The following KCTD5 variants were observed in gnomAD, a reference collection of about 807,000 sequenced individuals.
KCTD5 encodes BTB/POZ domain-containing protein KCTD5.
In KCTD5, 12 loss-of-function variants were observed where a neutral mutation model predicts 27.9. The ratio of observed to expected loss-of-function variants is 0.43; its 90% CI spans 0.28 to 0.70. KCTD5 has a LOEUF of 0.70. Ranked by LOEUF, KCTD5 falls within the 30% of genes least tolerant of loss-of-function variation. The pLI, the probability that KCTD5 is intolerant of heterozygous loss-of-function variation, is 0.19. For missense variants in KCTD5, 226 were observed against 274.8 expected (o/e 0.82, Z 1.26); for synonymous variants, 147 against 121.4 (o/e 1.21, Z -1.39).
At chr16:2,693,081 G>T (rs1223414265) in intron 1 of KCTD5, among the ~76,000 whole-genome samples, 1 of 152,238 alleles carries the variant, frequency 6.6e-6, no homozygotes, top group Non-Finnish European at 1.5e-5. Context: ...TCTTCAGTGG[G>T]GTGGGTGTGA....
chr16:2,707,598 G>A lies in KCTD5; in HGVS notation c.*271G>A. 3 of 610,796 alleles carry A rather than the reference G, an allele frequency of 4.9e-6. No individual in the cohort carries two copies. Among genetic ancestry groups the A allele is most frequent in the Non-Finnish European group, 8.7e-6 (3 of 343,454 alleles). 37.8% of individuals were successfully genotyped at this position (610,796 alleles called of 1,614,324 possible). On this transcript the variant is annotated 3_prime_UTR_variant, in exon 6 of 6. Transcript: ENST00000301738. ...CTCTGTTTTTTCCAAGTGCCACGTG[G>A]GACTGAGGCAGACACTCCCAGTCAG...
chr16:2,699,235 C>T, intron 3 of KCTD5: 2 of 455,994 alleles, frequency 4.4e-6, no homozygotes, highest in Non-Finnish European at 8.8e-6. Flanking sequence ...CAGCTCCATG[C>T]AGGCGGGCGG....
At chr16:2,691,604 A>G (rs1469153232) in intron 1 of KCTD5, among the ~76,000 whole-genome samples, 2 of 152,134 alleles carry the variant, frequency 1.3e-5, no homozygotes, top group Non-Finnish European at 2.9e-5. Context: ...GAATTGAACC[A>G]CGTGGGAGGA....
chr16:2,703,941 C>T (rs2067623573), intron 5 of KCTD5, among the ~76,000 whole-genome samples: 1 of 152,208 alleles, frequency 6.6e-6, no homozygotes, highest in African/African-American at 2.4e-5. Context: ...CCTCTTGGAG[C>T]AATCGTAGGG....
intron 1 of KCTD5, among the ~76,000 whole-genome samples, chr16:2,687,321 G>A (rs1222537237): frequency 6.6e-6 from 1 of 152,232 alleles, no homozygotes; most frequent in Non-Finnish European, 1.5e-5. Context: ...TTGTTTCGGG[G>A]CACCTGACAT....
In KCTD5 at chr16:2,699,808, A is replaced by T; in HGVS notation, c.454-13A>T. The T allele has an allele frequency of 6.2e-7, 1 of 1,612,338 alleles. No homozygotes were observed. The highest frequency in any genetic ancestry group is 8.5e-7 in the Non-Finnish European group (1 of 1,179,178). On this transcript the variant is annotated splice_polypyrimidine_tract_variant and intron_variant, in intron 3 of 5. Coordinates refer to ENST00000301738, the MANE Select transcript of KCTD5 (RefSeq NM_018992.4). ...GGGTGGCCCGCCCTTACCTGTGCCC[A>T]TTGTCCTTGCAGGTGCCTGTGAAGC...
intron 1 of KCTD5, among the ~76,000 whole-genome samples, chr16:2,689,858 T>C (rs939766722): frequency 1.6e-4 from 24 of 152,190 alleles, no homozygotes; most frequent in African/African-American, 4.6e-4. Flanking sequence ...GTATTTTTAG[T>C]AGAGACAGGG....
At chr16:2,689,646 C>T (rs2067556319) in intron 1 of KCTD5, among the ~76,000 whole-genome samples, 1 of 150,800 alleles carries the variant, frequency 6.6e-6, no homozygotes, top group Non-Finnish European at 1.5e-5. Context: ...GAGAGCCTGG[C>T]AGTCTCCACC....
intron 2 of KCTD5, 94 bp from the exon 3 acceptor site, chr16:2,697,812 G>A: frequency 1.1e-6 from 1 of 872,144 alleles, no homozygotes; most frequent in Non-Finnish European, 1.9e-6. Context: ...GGCCCTCATT[G>A]CAGGGGCAGG....
chr16:2,708,169 G>A lies in KCTD5; in HGVS notation c.*842G>A, dbSNP rs2067645998. ...GTGCCTTGTCACGCCTGGCATAGAG[G>A]TTGGGCTGGAGGCCTGTCCACTGGC... On this transcript the variant is annotated 3_prime_UTR_variant, in exon 6 of 6. Coordinates refer to ENST00000301738, the MANE Select transcript of KCTD5 (RefSeq NM_018992.4). 1 of 152,728 alleles carries A rather than the reference G, an allele frequency of 6.5e-6. No homozygotes were observed. Among genetic ancestry groups the A allele is most frequent in the Non-Finnish European group, 1.5e-5 (1 of 68,082 alleles). The allele number at this position is 152,728 out of a possible 1,614,324, so 9.5% of individuals were successfully genotyped here. A position where few individuals can be genotyped will look rare whatever the true frequency, so the allele number is the denominator to read the frequency against.
chr16:2,692,743 T>C (rs1353836961), intron 1 of KCTD5, among the ~76,000 whole-genome samples: 1 of 152,214 alleles, frequency 6.6e-6, no homozygotes, highest in African/African-American at 2.4e-5. Context: ...TTCCCAGGAA[T>C]CTATCTGCCT....
chr16:2,695,409 G>A (rs2067582922), intron 1 of KCTD5, among the ~76,000 whole-genome samples: 1 of 126,166 alleles, frequency 7.9e-6, no homozygotes, highest in Non-Finnish European at 1.9e-5. Context: ...TTGGGCAGCC[G>A]CCCCTGCTGA....
At chr16:2,696,963 C>A (rs1271352733) in intron 2 of KCTD5, among the ~76,000 whole-genome samples, 1 of 152,214 alleles carries the variant, frequency 6.6e-6, no homozygotes, top group African/African-American at 2.4e-5. Flanking sequence ...TCATTCTGCC[C>A]CTAGTGGGAT....
At chr16:2,705,918 C>T (rs909563776) in intron 5 of KCTD5, among the ~76,000 whole-genome samples, 3 of 152,162 alleles carry the variant, frequency 2.0e-5, no homozygotes, top group Non-Finnish European at 2.9e-5. Flanking sequence ...TTGGGGCTCC[C>T]GGATGCTCAG....
rs1230730586 is a variant in KCTD5 at position 2,708,302 on chromosome 16, C to T, written c.*975C>T. ...CATTTTCTTTGTATAACTATGCAGCCTTCCCTCTCTTTCTGGGATGTTTGG... is the reference window on the plus strand; with the variant it reads ...CATTTTCTTTGTATAACTATGCAGCTTTCCCTCTCTTTCTGGGATGTTTGG... On this transcript the variant is annotated 3_prime_UTR_variant, in exon 6 of 6. Coordinates refer to ENST00000301738, the MANE Select transcript of KCTD5 (RefSeq NM_018992.4). 6.5e-6 allele frequency: 1 copy of T among 152,732 alleles called. No homozygotes were observed. Among genetic ancestry groups the T allele is most frequent in the Non-Finnish European group, 1.5e-5 (1 of 68,068 alleles). The allele number at this position is 152,732 out of a possible 1,614,324, so 9.5% of individuals were successfully genotyped here.
At chr16:2,696,748 G>A (rs1596223353) in intron 2 of KCTD5, among the ~76,000 whole-genome samples, 2 of 152,278 alleles carry the variant, frequency 1.3e-5, no homozygotes, top group African/African-American at 2.4e-5. Flanking sequence ...TCTGGGCCTC[G>A]GCATCTGCCT....
In KCTD5 at chr16:2,682,601, C is replaced by T. The variant is rs2067522853; in HGVS notation, c.53C>T (p.Ala18Val). The T allele has an allele frequency of 6.8e-7, 1 of 1,461,340 alleles. No homozygotes were observed. Among genetic ancestry groups the T allele is most frequent in the Non-Finnish European group, 9.0e-7 (1 of 1,112,622 alleles). The allele number at this position is 1,461,340 out of a possible 1,614,324, so 90.5% of individuals were successfully genotyped here. The change falls in exon 1 of 6, where the codon GCG (alanine) becomes GTG (valine). Residue 18 changes from alanine (A) to valine (V), a missense_variant. Physicochemically the swap from Ala to Val is moderately conservative, Grantham distance 64 (BLOSUM62 0). Around this residue, in one of 2 missense-constraint regions of KCTD5, gnomAD observed 91 missense variants for 67.8 expected, o/e 1.34. Transcript: ENST00000301738. ...TCGCCGGCCCGGGGCGGCATCGGGG[C>T]GGGGCTGGGGGGCGGCCTGTGCCGC... ...LLSPARGGIG[A>V]GLGGGLCRRC...
chr16:2,682,714 C>T lies in KCTD5; in HGVS notation c.166C>T (p.Leu56Phe). The T allele has an allele frequency of 6.2e-7, 1 of 1,610,462 alleles. No homozygotes were observed. The highest frequency in any genetic ancestry group is 8.5e-7 in the Non-Finnish European group (1 of 1,178,862). Residue 56 changes from leucine (L) to phenylalanine (F), a missense_variant, in exon 1 of 6, where the codon CTC becomes TTC. Physicochemically the swap from Leu to Phe is conservative, Grantham distance 22 (BLOSUM62 0). This residue lies in a region of KCTD5 where 135 missense variants were observed against 207.0 expected (regional missense o/e 0.65). Transcript: ENST00000301738. ...VRLNVGGTYF[L>F]TTRQTLCRDP... Reference sequence around the variant, plus strand: ...ACTCAACGTCGGCGGCACCTACTTCCTCACCACTCGGCAGACCCTGTGCCG... The same window carrying T: ...ACTCAACGTCGGCGGCACCTACTTCTTCACCACTCGGCAGACCCTGTGCCG...
intron 5 of KCTD5, among the ~76,000 whole-genome samples, chr16:2,704,540 C>T (rs1229607415): frequency 8.5e-5 from 13 of 152,248 alleles, no homozygotes; most frequent in South Asian, 6.2e-4. Flanking sequence ...TCACTGAGAG[C>T]GCTTAGACTC....
Sources: gnomAD v4.1 joint callset for allele counts (sites outside exome capture counted in the v4.1 genomes callset) on GRCh38, gnomAD v4.1.1 for gene constraint, gnomAD v4.1.1 regional missense constraint, MANE v1.5 for transcripts, NCBI Gene and HGNC (gene_info 2026-07-23, HGNC 2026-07-21) for gene names.